The following SETD2 variants were observed in gnomAD, a reference collection of about 807,000 sequenced individuals.
The protein encoded by SETD2 is histone-lysine N-methyltransferase SETD2.
A neutral mutation model predicts 242.1 loss-of-function variants in SETD2; 31 were observed. The ratio of observed to expected loss-of-function variants is 0.13; its 90% CI spans 0.10 to 0.17. The LOEUF (loss-of-function observed/expected upper bound fraction) is 0.17, where lower values mean the gene tolerates loss of function less well. Among genes scored for constraint, SETD2 ranks in the 10% least tolerant of loss-of-function variants. The pLI is 1.00. For synonymous variants in SETD2, 1,006 were observed against 1,066.5 expected (o/e 0.94, Z 1.11); for missense variants, 2,481 against 3,046.3 (o/e 0.81, Z 4.37).
At position 47,017,586 on chromosome 3, in the gene SETD2, C is replaced by A. The variant is rs1167500928; in HGVS notation, c.7533+52G>T. 1.6e-6 allele frequency: 2 copies of A among 1,270,180 alleles called. No homozygotes were observed. Among genetic ancestry groups the A allele is most frequent in the African/African-American group, 2.9e-5 (2 of 68,028 alleles). 78.7% of individuals were successfully genotyped at this position (1,270,180 alleles called of 1,614,324 possible). A position where few individuals can be genotyped will look rare whatever the true frequency, so the allele number is the denominator to read the frequency against. ...GATGAAAAGGGCTTCTTAGAAGGTA[C>A]ACAGTTTGCCCAGAACATTGCCTGG... On this transcript the variant is annotated intron_variant, in intron 20 of 20. Coordinates refer to ENST00000409792, the MANE Select transcript of SETD2 (RefSeq NM_014159.7). The surrounding 1 kb of genome is among the most constrained non-coding windows in gnomAD (Gnocchi z 4.8).
rs2107728809 is a variant in SETD2, at chr3:47,116,723, G to C, written c.4486C>G (p.Arg1496Gly). 6.2e-7 allele frequency: 1 copy of C among 1,603,518 alleles called. No homozygotes were observed. Among genetic ancestry groups the C allele is most frequent in the Non-Finnish European group, 8.5e-7 (1 of 1,171,684 alleles). The change falls in exon 4 of 21, where the codon CGA becomes GGA. Residue 1496 changes from arginine to glycine, a missense_variant. Transcript: ENST00000409792. Reference sequence around the variant, plus strand: ...AGAGGTGTACACTCACACTGCATTCGCTTAATATCTCGATGAGATTTATTC... The same window carrying C: ...AGAGGTGTACACTCACACTGCATTCCCTTAATATCTCGATGAGATTTATTC... Reference protein sequence around the residue: ...KKNKSHRDIKRMQCECTPLSK... With the variant: ...KKNKSHRDIKGMQCECTPLSK...
chr3:47,109,385 C>A (rs183915748), intron 5 of SETD2, among the ~76,000 whole-genome samples: 16 of 152,246 alleles, frequency 1.1e-4, no homozygotes, highest in Admixed American at 2.0e-4. Context: ...GTGGCTCACG[C>A]CTGTAATACC....
At chr3:47,067,323 A>G (rs1233441474) in intron 12 of SETD2, among the ~76,000 whole-genome samples, 14 of 151,816 alleles carry the variant, frequency 9.2e-5, no homozygotes, top group Admixed American at 9.2e-4. Context: ...AGAAATACAT[A>G]TATTTACATC....
intron 1 of SETD2, among the ~76,000 whole-genome samples, chr3:47,157,923 C>A (rs948822567): frequency 6.6e-6 from 1 of 151,488 alleles, no homozygotes; most frequent in Non-Finnish European, 1.5e-5. Flanking sequence ...TGTCCTAATT[C>A]TTAAATTCTC....
At chr3:47,077,549 A>G (rs1402470157) in intron 12 of SETD2, among the ~76,000 whole-genome samples, 4 of 152,210 alleles carry the variant, frequency 2.6e-5, no homozygotes, top group Non-Finnish European at 5.9e-5. Flanking sequence ...GAAACAAATG[A>G]TAGATAATAG....
Position 47,103,420 on chromosome 3 carries a change from T to C in SETD2, c.4843A>G (p.Ile1615Val). ...YFMALKNDEIIDATQKGNCSR... is the reference protein window; with the variant it reads ...YFMALKNDEIVDATQKGNCSR... ...CAATTTCCTTTTTGAGTGGCATCTA[T>C]TATCTGGGAGAAGAGGATCATTTAA... is the stretch of plus-strand genomic sequence containing the variant. Residue 1615 changes from isoleucine to valine, a missense_variant, in exon 7 of 21, where the codon ATA becomes GTA. Physicochemically the swap from Ile to Val is conservative, Grantham distance 29. Around this residue, in one of 17 missense-constraint regions of SETD2, gnomAD observed 61 missense variants for 221.4 expected, o/e 0.28. Coordinates refer to ENST00000409792, the MANE Select transcript of SETD2 (RefSeq NM_014159.7). 1 of 1,605,498 alleles carries C rather than the reference T, an allele frequency of 6.2e-7. No individual in the cohort carries two copies. Among genetic ancestry groups the C allele is most frequent in the East Asian group, 2.2e-5 (1 of 44,782 alleles).
rs2106708682 is a variant in SETD2, at chr3:47,123,641, G to A, written c.995C>T (p.Ser332Leu). The A allele has an allele frequency of 1.3e-6, 2 of 1,550,152 alleles. No individual in the cohort carries two copies. Among genetic ancestry groups the A allele is most frequent in the Non-Finnish European group, 1.7e-6 (2 of 1,146,678 alleles). The change falls in exon 3 of 21, where the codon TCA becomes TTA. Residue 332 changes from serine to leucine, a missense_variant. By Grantham distance (145) the Ser-to-Leu change is moderately radical. Transcript: ENST00000409792. The part of the protein sequence containing the change: ...ESDEDSVRTS[S>L]SQRSHDLKFS... ...TTTTAAATCATGTGATCTTTGACTT[G>A]AAGAAGTCCGTACAGAATCTTCATC...
chr3:47,158,224 T>A (rs561957095), intron 1 of SETD2, among the ~76,000 whole-genome samples: 1 of 152,350 alleles, frequency 6.6e-6, no homozygotes, highest in East Asian at 1.9e-4. Flanking sequence ...CAATGTGTCA[T>A]ATTGCTTAGT....
intron 12 of SETD2, among the ~76,000 whole-genome samples, chr3:47,076,743 A>G (rs1399715037): frequency 2.0e-5 from 3 of 152,270 alleles, no homozygotes; most frequent in Non-Finnish European, 4.4e-5. Flanking sequence ...CCAAGTAAGG[A>G]GAACAGTATG....
At chr3:47,138,011 G>A (rs1321046916) in intron 1 of SETD2, among the ~76,000 whole-genome samples, 6 of 151,316 alleles carry the variant, frequency 4.0e-5, no homozygotes, top group Non-Finnish European at 5.9e-5. Context: ...TCGCTCTGTC[G>A]CCCAGGCTGG....
At chr3:47,109,456 G>T (rs989367780) in intron 5 of SETD2, among the ~76,000 whole-genome samples, 1 of 152,016 alleles carries the variant, frequency 6.6e-6, no homozygotes, top group African/African-American at 2.4e-5. Context: ...GACCAACCTG[G>T]GCAACACGGC....
chr3:47,047,209 A>G (rs1283973353), intron 15 of SETD2, among the ~76,000 whole-genome samples: 1 of 152,236 alleles, frequency 6.6e-6, no homozygotes, highest in African/African-American at 2.4e-5. Flanking sequence ...CAACACACCA[A>G]TTTATACAGT....
chr3:47,162,514 A>C (rs1697519898), intron 1 of SETD2, among the ~76,000 whole-genome samples: 1 of 152,240 alleles, frequency 6.6e-6, no homozygotes, highest in Non-Finnish European at 1.5e-5. Flanking sequence ...CAAAATAATG[A>C]TTTATCTTGT....
chr3:47,079,150 G>A (rs7433300), intron 12 of SETD2, among the ~76,000 whole-genome samples: 101,964 of 152,036 alleles, frequency 0.67, 34,589 homozygotes, highest in African/African-American at 0.76. Context: ...ACAGAATGCT[G>A]TTCTTGCAGT....
At chr3:47,127,891 T>C (rs1389161273) in intron 1 of SETD2, among the ~76,000 whole-genome samples, 1 of 151,736 alleles carries the variant, frequency 6.6e-6, no homozygotes, top group African/African-American at 2.4e-5. Context: ...GAAGGCTAAG[T>C]TGGGAGGATT....
chr3:47,148,013 TAA>T (rs1282022830), intron 1 of SETD2, among the ~76,000 whole-genome samples: 1 of 152,046 alleles, frequency 6.6e-6, no homozygotes, highest in African/African-American at 2.4e-5. Context: ...CTTACAAAAT[TAA>T]AGTATTATAC....
chr3:47,080,132 T>A (rs139445937), intron 12 of SETD2, among the ~76,000 whole-genome samples: 27 of 152,312 alleles, frequency 1.8e-4, no homozygotes, highest in African/African-American at 6.3e-4. Context: ...TAGGCAACTC[T>A]ATGTTTTATT....
At chr3:47,124,690 TTTA>T in intron 2 of SETD2, 142 bp from the exon 3 acceptor site, 1 of 671,562 alleles carries the variant, frequency 1.5e-6, no homozygotes, top group Non-Finnish European at 2.3e-6. Flanking sequence ...TATATATATC[TTTA>T]TTATGAAAAT....
intron 12 of SETD2, among the ~76,000 whole-genome samples, chr3:47,070,890 T>C (rs1056441303): frequency 7.9e-5 from 12 of 152,148 alleles, no homozygotes; most frequent in African/African-American, 2.7e-4. Context: ...TGTTCTAAGA[T>C]TTAATATTGT....
Sources: gnomAD v4.1 joint callset for allele counts (sites outside exome capture counted in the v4.1 genomes callset) on GRCh38, gnomAD v4.1.1 for gene constraint, gnomAD v4.1.1 regional missense constraint, Gnocchi (gnomAD v3.1) non-coding constraint, MANE v1.5 for transcripts, NCBI Gene and HGNC (gene_info 2026-07-23, HGNC 2026-07-21) for gene names.